The following C9orf153 variants were observed in gnomAD, a reference collection of about 807,000 sequenced individuals.
The protein encoded by C9orf153 is uncharacterized protein C9orf153.
In C9orf153, 10 loss-of-function variants were observed where a neutral mutation model predicts 9.0. The ratio of observed to expected loss-of-function variants is 1.11; its 90% confidence interval spans 0.69 to 1.89. The LOEUF (loss-of-function observed/expected upper bound fraction) is 1.89. Ranked by LOEUF, C9orf153 falls within the 40% of genes most tolerant of loss-of-function variation. The pLI is 0.00. For missense variants in C9orf153, 108 were observed against 111.0 expected (o/e 0.97, Z 0.12); for synonymous variants, 35 against 37.3 (o/e 0.94, Z 0.23).
At chr9:86,245,985 T>G (rs1009921079) in intron 1 of C9orf153, among the ~76,000 whole-genome samples, 4 of 152,210 alleles carry the variant, frequency 2.6e-5, no homozygotes, top group African/African-American at 9.6e-5. Context: ...TCTTTCCACC[T>G]TATTTCTATT....
At chr9:86,243,036 G>A (rs888819390) in intron 1 of C9orf153, among the ~76,000 whole-genome samples, 3 of 152,164 alleles carry the variant, frequency 2.0e-5, no homozygotes, top group African/African-American at 7.2e-5. Context: ...GAGGGGCTTT[G>A]GCACTTTACT....
At chr9:86,226,446 C>T (rs112617894) in intron 3 of C9orf153, among the ~76,000 whole-genome samples, 3,141 of 152,050 alleles carry the variant, frequency 0.021, 61 homozygotes, top group African/African-American at 0.038. Context: ...CTCAGCCTCC[C>T]GAGTAGCTGG....
At chr9:86,224,997 T>A (rs1436925570) in intron 3 of C9orf153, among the ~76,000 whole-genome samples, 1 of 151,532 alleles carries the variant, frequency 6.6e-6, no homozygotes, top group Non-Finnish European at 1.5e-5. Context: ...CCCCTAGACT[T>A]CTAATTATGT....
At chr9:86,254,507 T>A (rs925495652) in intron 1 of C9orf153, among the ~76,000 whole-genome samples, 1 of 152,194 alleles carries the variant, frequency 6.6e-6, no homozygotes, top group Admixed American at 6.5e-5. Flanking sequence ...AAAGTTTGCT[T>A]GAACACCTGA....
chr9:86,229,846 C>T (rs1165283936), intron 1 of C9orf153, among the ~76,000 whole-genome samples: 1 of 152,080 alleles, frequency 6.6e-6, no homozygotes, highest in Admixed American at 6.6e-5. Context: ...TGGTTCTGCA[C>T]ACAGTCCAGG....
At chr9:86,255,772 C>G (rs1203664655) in intron 1 of C9orf153, among the ~76,000 whole-genome samples, 1 of 152,156 alleles carries the variant, frequency 6.6e-6, no homozygotes, top group African/African-American at 2.4e-5. Flanking sequence ...TGCCTTTTCT[C>G]CAGTGAATCT....
Position 86,228,004 on chromosome 9 carries a change from C to T in C9orf153, c.93G>A (p.Glu31=). Residue 31 remains glutamate (E), a synonymous_variant, in exon 3 of 4, where the codon GAG becomes GAA. Transcript: ENST00000339137. ...CSLPELYACI[E]NFNKESKKSN... ...ATTTCTTGCTCTCCTTATTAAAATT[C>T]TCAATACATGCATATAATTCTGGAA... The T allele has an allele frequency of 1.2e-6, 2 of 1,610,062 alleles. No homozygotes were observed. Among genetic ancestry groups the T allele is most frequent in the Non-Finnish European group, 1.7e-6 (2 of 1,178,164 alleles).
chr9:86,227,831 T>C (rs746170828), intron 3 of C9orf153, 24 bp downstream of exon 3: 1 of 1,591,634 alleles, frequency 6.3e-7, no homozygotes, highest in South Asian at 1.2e-5. Flanking sequence ...GGATGCTTGC[T>C]TCTCTTTTTT....
chr9:86,225,343 T>C (rs1042880442), intron 3 of C9orf153, among the ~76,000 whole-genome samples: 4 of 151,630 alleles, frequency 2.6e-5, no homozygotes, highest in Admixed American at 6.6e-5. Context: ...CCTTTCTTTC[T>C]TTCCTTCCTT....
intron 3 of C9orf153, among the ~76,000 whole-genome samples, chr9:86,225,349 T>C (rs928047707): frequency 3.3e-5 from 5 of 151,636 alleles, no homozygotes; most frequent in Non-Finnish European, 7.4e-5. Flanking sequence ...TTTCTTTCCT[T>C]CCTTCCTTCC....
At chr9:86,254,318 T>C (rs1825062861) in intron 1 of C9orf153, among the ~76,000 whole-genome samples, 1 of 152,192 alleles carries the variant, frequency 6.6e-6, no homozygotes. Context: ...GTCTCCAAAG[T>C]AATATTTTCA....
At chr9:86,241,814 C>T (rs548920299) in intron 1 of C9orf153, among the ~76,000 whole-genome samples, 1 of 152,158 alleles carries the variant, frequency 6.6e-6, no homozygotes, top group Non-Finnish European at 1.5e-5. Context: ...TTAGTAGAGA[C>T]AGGACTTCAC....
At chr9:86,249,548 CTTTTTT>C (rs369850072) in intron 1 of C9orf153, among the ~76,000 whole-genome samples, 1 of 128,408 alleles carries the variant, frequency 7.8e-6, no homozygotes, top group Admixed American at 8.1e-5. Context: ...CGTCTCCCAC[CTTTTTT>C]TTTTTTTTTT....
intron 1 of C9orf153, among the ~76,000 whole-genome samples, chr9:86,233,085 CCAA>C (rs931680245): frequency 2.6e-5 from 4 of 152,282 alleles, no homozygotes; most frequent in Non-Finnish European, 4.4e-5. Context: ...CCCTTCCCTT[CCAA>C]CAACAACTCC....
chr9:86,240,129 G>T (rs999986298), intron 1 of C9orf153, among the ~76,000 whole-genome samples: 4 of 152,098 alleles, frequency 2.6e-5, no homozygotes, highest in Non-Finnish European at 4.4e-5. Context: ...TATATTATCT[G>T]ATTTGATCCA....
In C9orf153 at chr9:86,251,707, G is replaced by T. The variant is rs553034132; in HGVS notation, c.-27+7843C>A. ...TGGAGAAAGAAAGAATAAAAAAATT[G>T]TAAGAGGTTATAAAAGGTTTATGGA... On this transcript the variant is annotated intron_variant, in intron 1 of 3. Transcript: ENST00000339137. 1.2e-3 allele frequency among the ~76,000 whole-genome samples: 185 copies of T among 152,146 alleles called. 1 individual carries two copies. Among genetic ancestry groups the T allele is most frequent in the African/African-American group, 4.1e-3 (171 of 41,502 alleles).
chr9:86,224,857 C>G (rs1387494063), intron 3 of C9orf153, among the ~76,000 whole-genome samples: 2 of 141,600 alleles, frequency 1.4e-5, no homozygotes, highest in Admixed American at 7.6e-5. Context: ...AGGAGAATTG[C>G]TTGAACCTGG....
intron 1 of C9orf153, among the ~76,000 whole-genome samples, chr9:86,258,131 C>T (rs756293959): frequency 3.7e-4 from 56 of 152,070 alleles, no homozygotes; most frequent in Non-Finnish European, 5.1e-4. Flanking sequence ...ATCACGGGGT[C>T]AGGAGATCAA....
chr9:86,225,294 C>T (rs945504098), intron 3 of C9orf153, among the ~76,000 whole-genome samples: 1 of 152,090 alleles, frequency 6.6e-6, no homozygotes, highest in Non-Finnish European at 1.5e-5. Context: ...ACTTAGATTC[C>T]TGCCTGACTC....
Sources: gnomAD v4.1 joint callset for allele counts (sites outside exome capture counted in the v4.1 genomes callset) on GRCh38, gnomAD v4.1.1 for gene constraint, MANE v1.5 for transcripts, NCBI Gene and HGNC (gene_info 2026-07-23, HGNC 2026-07-21) for gene names.